Variants in LRRC4C observed in about 807,000 individuals in gnomAD.
LRRC4C encodes leucine-rich repeat-containing protein 4C.
Under a neutral mutation model 33.6 loss-of-function variants are expected in LRRC4C, and 5 were observed. The ratio of observed to expected loss-of-function variants is 0.15; its 90% CI spans 0.08 to 0.31. LRRC4C has a LOEUF of 0.31. LRRC4C is among the 10% of genes least tolerant of loss of function. The pLI is 1.00. For synonymous variants in LRRC4C, 329 were observed against 302.0 expected (o/e 1.09, Z -0.93); for missense variants, 560 against 796.7 (o/e 0.70, Z 3.58).
At chr11:41,314,991 A>G (rs1950745504) in intron 1 of LRRC4C, among the ~76,000 whole-genome samples, 1 of 152,176 alleles carries the variant, frequency 6.6e-6, no homozygotes, top group Admixed American at 6.5e-5. Context: ...CCATTTAACC[A>G]ACTGAATTCT....
chr11:40,319,249 C>T (rs1024449118), intron 4 of LRRC4C, among the ~76,000 whole-genome samples: 5 of 151,860 alleles, frequency 3.3e-5, no homozygotes, highest in African/African-American at 4.8e-5. Context: ...AGCAAGATTT[C>T]GTCAATCACA....
At chr11:40,233,557 A>AT (rs1423406878) in intron 5 of LRRC4C, among the ~76,000 whole-genome samples, 2 of 152,198 alleles carry the variant, frequency 1.3e-5, no homozygotes, top group South Asian at 2.1e-4. Context: ...CAAAAACAGT[A>AT]TTTTTTTAAA....
intron 1 of LRRC4C, among the ~76,000 whole-genome samples, chr11:40,984,893 CTTTTT>C (rs562785410): frequency 7.1e-4 from 37 of 52,272 alleles, no homozygotes; most frequent in African/African-American, 1.4e-3. Flanking sequence ...CTCACTGACA[CTTTTT>C]TTTTTTTTTT....
intron 3 of LRRC4C, among the ~76,000 whole-genome samples, chr11:40,359,903 T>G (rs1323500981): frequency 1.3e-5 from 2 of 152,282 alleles, no homozygotes; most frequent in East Asian, 1.9e-4. Flanking sequence ...GCCTATGAGA[T>G]TCAAGGGAAA....
At chr11:40,785,568 T>C (rs1245933765) in intron 2 of LRRC4C, among the ~76,000 whole-genome samples, 1 of 152,174 alleles carries the variant, frequency 6.6e-6, no homozygotes, top group African/African-American at 2.4e-5. Context: ...ATTTAGAGAA[T>C]GAATTTATAC....
intron 5 of LRRC4C, among the ~76,000 whole-genome samples, chr11:40,196,407 T>C (rs966188008): frequency 2.6e-5 from 4 of 152,206 alleles, no homozygotes; most frequent in Non-Finnish European, 4.4e-5. Context: ...GTAAATGGGA[T>C]GAACAAAAGC....
chr11:40,770,571 C>T (rs1949706434), intron 2 of LRRC4C, among the ~76,000 whole-genome samples: 1 of 152,164 alleles, frequency 6.6e-6, no homozygotes, highest in Non-Finnish European at 1.5e-5. Flanking sequence ...TAACTCACTT[C>T]AGTATTAACC....
chr11:40,687,831 A>G (rs960209859), intron 2 of LRRC4C, among the ~76,000 whole-genome samples: 3 of 152,152 alleles, frequency 2.0e-5, no homozygotes, highest in African/African-American at 7.2e-5. Flanking sequence ...TAGCTGTTAC[A>G]GTGACTACTT....
intron 1 of LRRC4C, among the ~76,000 whole-genome samples, chr11:41,142,573 C>T (rs1348486171): frequency 6.6e-6 from 1 of 152,086 alleles, no homozygotes; most frequent in Non-Finnish European, 1.5e-5. Context: ...AGAGATTTCC[C>T]ACTCTTTGGA....
At chr11:40,179,357 T>C (rs1310764308) in intron 5 of LRRC4C, among the ~76,000 whole-genome samples, 1 of 152,200 alleles carries the variant, frequency 6.6e-6, no homozygotes, top group Non-Finnish European at 1.5e-5. Flanking sequence ...GTGTGCTAGA[T>C]GTTAAGTTTC....
chr11:41,004,123 G>C (rs892736264), intron 1 of LRRC4C, among the ~76,000 whole-genome samples: 2 of 152,138 alleles, frequency 1.3e-5, no homozygotes, highest in Admixed American at 1.3e-4. Context: ...GCCTGTGGTA[G>C]GTTGGCACAT....
chr11:40,881,418 G>A (rs1955169253), intron 2 of LRRC4C, among the ~76,000 whole-genome samples: 1 of 152,066 alleles, frequency 6.6e-6, no homozygotes, highest in Non-Finnish European at 1.5e-5. Flanking sequence ...TTACTTAAGG[G>A]TAAGATATAT....
chr11:40,788,475 C>T (rs1445613625), intron 2 of LRRC4C, among the ~76,000 whole-genome samples: 1 of 152,104 alleles, frequency 6.6e-6, no homozygotes, highest in Non-Finnish European at 1.5e-5. Flanking sequence ...AATAAAACTG[C>T]CATCACAGTC....
At chr11:41,166,517 G>A (rs1944736338) in intron 1 of LRRC4C, among the ~76,000 whole-genome samples, 2 of 152,130 alleles carry the variant, frequency 1.3e-5, no homozygotes, top group Non-Finnish European at 1.5e-5. Context: ...TAAAGATCGG[G>A]TTTTTATTTT....
At chr11:41,180,675 C>T (rs978528984) in intron 1 of LRRC4C, among the ~76,000 whole-genome samples, 20 of 152,134 alleles carry the variant, frequency 1.3e-4, no homozygotes, top group African/African-American at 4.8e-4. Context: ...TGCAGTACTG[C>T]TGCCCTGACT....
rs148692556 is a variant in LRRC4C at position 41,100,336 on chromosome 11, G to C, written c.-495-166613C>G. On this transcript the variant is annotated intron_variant, in intron 1 of 6. Transcript: ENST00000528697. ...AATTACAACACTTTGGGAGGCCCGA[G>C]GTGGGTGGATCCTGAGGTCAGGAGT... Among the ~76,000 whole-genome samples, 846 of 152,142 alleles carry C rather than the reference G, an allele frequency of 5.6e-3. 7 individuals are homozygous for C. The highest frequency in any genetic ancestry group is 0.019 in the African/African-American group (798 of 41,530).
intron 3 of LRRC4C, among the ~76,000 whole-genome samples, chr11:40,498,028 T>A (rs190927658): frequency 4.6e-5 from 7 of 152,324 alleles, no homozygotes; most frequent in African/African-American, 1.7e-4. Flanking sequence ...TAAATCGACT[T>A]ACAAAAAATA....
rs182193280 is a variant in LRRC4C, at chr11:40,301,859, C to G, written c.-176+17769G>C. ...AATGTCCAGGTCTCTAATATACACA[C>G]TTTTAAGAGACAAAAATGACTCTCT... is the stretch of plus-strand genomic sequence containing the variant. On this transcript the variant is annotated intron_variant, in intron 4 of 6. Transcript: ENST00000528697. Among the ~76,000 whole-genome samples, 3 of 152,238 alleles carry G rather than the reference C, an allele frequency of 2.0e-5. No homozygotes were observed. In the East Asian group the frequency reaches 5.8e-4, roughly 29 times the overall value.
intron 1 of LRRC4C, among the ~76,000 whole-genome samples, chr11:41,076,994 T>C (rs1368756433): frequency 6.6e-6 from 1 of 152,134 alleles, no homozygotes; most frequent in African/African-American, 2.4e-5. Flanking sequence ...GGCCGGGCAG[T>C]CATTAAATCT....
Sources: gnomAD v4.1 joint callset for allele counts (sites outside exome capture counted in the v4.1 genomes callset) on GRCh38, gnomAD v4.1.1 for gene constraint, MANE v1.5 for transcripts, NCBI Gene and HGNC (gene_info 2026-07-23, HGNC 2026-07-21) for gene names.